Variants in IFT74 observed in about 807,000 individuals in gnomAD.
IFT74 encodes intraflagellar transport 74, also known as intraflagellar transport protein 74 homolog.
In IFT74, 92 loss-of-function variants were observed where a neutral mutation model predicts 96.7. The ratio of observed to expected loss-of-function variants is 0.95; its 90% CI spans 0.80 to 1.13. IFT74 has a LOEUF of 1.13. Among genes scored for constraint, IFT74 ranks in the 50% most tolerant of loss-of-function variants. IFT74 has a pLI of 0.00. For synonymous variants in IFT74, 223 were observed against 213.2 expected (o/e 1.05, Z -0.40); for missense variants, 811 against 698.2 (o/e 1.16, Z -1.82).
At chr9:26,952,827 C>T (rs1825977105), upstream of IFT74, among the ~76,000 whole-genome samples, 1 of 152,072 alleles carries the variant, frequency 6.6e-6, no homozygotes, top group African/African-American at 2.4e-5. Flanking sequence ...TTTCCTCTAC[C>T]CTGTCATGTT....
intron 2 of IFT74, among the ~76,000 whole-genome samples, chr9:26,969,338 CT>C (rs894300938): frequency 1.3e-5 from 2 of 150,338 alleles, no homozygotes; most frequent in African/African-American, 2.4e-5. Context: ...ATCTTCTTGT[CT>C]TTTTTTTTAA....
At chr9:27,035,509 G>A (rs1361333996) in intron 13 of IFT74, among the ~76,000 whole-genome samples, 2 of 152,196 alleles carry the variant, frequency 1.3e-5, no homozygotes, top group African/African-American at 4.8e-5. Context: ...AAATTCTTGG[G>A]CTCTACCCCA....
At chr9:26,948,448 A>ATTATTATTATTTTTTTTTTTTT (rs1825819541) in intron 1 of IFT74, among the ~76,000 whole-genome samples, 2 of 59,162 alleles carry the variant, frequency 3.4e-5, no homozygotes, top group Non-Finnish European at 7.7e-5. Context: ...GCTTTCCATT[A>ATTATTATTATTTTTTTTTTTTT]TTTTTTTTTT....
At chr9:27,010,383 A>G (rs974055907) in intron 9 of IFT74, among the ~76,000 whole-genome samples, 3 of 152,004 alleles carry the variant, frequency 2.0e-5, no homozygotes, top group African/African-American at 7.2e-5. Flanking sequence ...TCTATCAAAC[A>G]TGAGAATTTA....
At chr9:27,006,993 C>T (rs1828825396) in intron 8 of IFT74, among the ~76,000 whole-genome samples, 1 of 151,734 alleles carries the variant, frequency 6.6e-6, no homozygotes, top group South Asian at 2.1e-4. Context: ...CCCACCATCA[C>T]GCCCAGCTAA....
At chr9:27,010,609 C>T (rs998058262) in intron 9 of IFT74, among the ~76,000 whole-genome samples, 4 of 151,806 alleles carry the variant, frequency 2.6e-5, no homozygotes, top group Non-Finnish European at 4.4e-5. Flanking sequence ...CCTGCCTCAG[C>T]CTCCTGAGTA....
At chr9:26,965,676 G>A (rs1161915356) in intron 2 of IFT74, among the ~76,000 whole-genome samples, 7 of 152,034 alleles carry the variant, frequency 4.6e-5, no homozygotes, top group African/African-American at 1.4e-4. Context: ...TAGGTCAGTT[G>A]TCTTACATGC....
chr9:27,062,640 G>A lies in IFT74; in HGVS notation c.1707G>A (p.Glu569=). The change falls in exon 20 of 20, where the codon GAG becomes GAA. Residue 569 remains glutamate (E), a synonymous_variant. Coordinates refer to ENST00000380062, the MANE Select transcript of IFT74 (RefSeq NM_025103.4). ...TAGTCATAGCAACCAAGAGTCAAGA[G>A]AGTGATTACCAGCCAATTAAGAAAA... ...MKEFIATKSQ[E]SDYQPIKKNV... 2.5e-6 allele frequency: 4 copies of A among 1,604,932 alleles called. No individual in the cohort carries two copies. The highest frequency in any genetic ancestry group is 1.1e-5 in the South Asian group (1 of 90,158).
chr9:27,034,099 A>G (rs1421800669), intron 13 of IFT74, among the ~76,000 whole-genome samples: 3 of 152,186 alleles, frequency 2.0e-5, no homozygotes, highest in Non-Finnish European at 2.9e-5. Flanking sequence ...TCACTGTCAT[A>G]TGTCTCTCCA....
intron 18 of IFT74, among the ~76,000 whole-genome samples, chr9:27,059,658 A>G (rs1820329777): frequency 6.6e-6 from 1 of 152,244 alleles, no homozygotes; most frequent in Admixed American, 6.5e-5. Flanking sequence ...ACCAGCTCAC[A>G]GCACATACAG....
chr9:26,958,677 A>G (rs182212274), intron 1 of IFT74, among the ~76,000 whole-genome samples: 21 of 152,330 alleles, frequency 1.4e-4, no homozygotes, highest in Non-Finnish European at 2.6e-4. Flanking sequence ...AGTTTGGATT[A>G]CATATGTTTA....
At chr9:27,015,290 A>G (rs935773293) in intron 10 of IFT74, among the ~76,000 whole-genome samples, 6 of 152,102 alleles carry the variant, frequency 3.9e-5, no homozygotes, top group Non-Finnish European at 7.3e-5. Flanking sequence ...ACTTTGAAAA[A>G]TTATCTCGTC....
rs116140020 is a variant in IFT74 at position 27,063,999 on chromosome 9, G to A, written c.*1263G>A. On this transcript the variant is annotated 3_prime_UTR_variant, in exon 20 of 20. Transcript: ENST00000380062. ...TCATGGTCAAAGAAGTTTGGGAAAC[G>A]TTGTCTGAAACAAAGGTGAATTATT... 0.01 allele frequency among the ~76,000 whole-genome samples: 1,517 copies of A among 149,774 alleles called. 36 individuals are homozygous for A. The highest frequency in any genetic ancestry group is 0.036 in the African/African-American group (1,435 of 39,348).
At chr9:26,976,535 G>C (rs568726831) in intron 2 of IFT74, 1 of 320,294 alleles carries the variant, frequency 3.1e-6, no homozygotes, top group Non-Finnish European at 6.1e-6. Flanking sequence ...GATAAGGTGG[G>C]CGCATGATGG....
At chr9:26,955,353 C>T (rs1247898838), upstream of IFT74, among the ~76,000 whole-genome samples, 1 of 152,150 alleles carries the variant, frequency 6.6e-6, no homozygotes, top group African/African-American at 2.4e-5. Flanking sequence ...GTCACCCTTA[C>T]TTCAACAGAC....
At chr9:27,010,349 T>C (rs1828995069) in intron 9 of IFT74, among the ~76,000 whole-genome samples, 1 of 152,048 alleles carries the variant, frequency 6.6e-6, no homozygotes, top group Non-Finnish European at 1.5e-5. Context: ...AATTAATTAC[T>C]GATAACTATA....
chr9:27,036,682 T>C, intron 13 of IFT74: 2 of 1,308,168 alleles, frequency 1.5e-6, no homozygotes, highest in Non-Finnish European at 1.9e-6. Context: ...TTTGCTTCTG[T>C]GAAAAAAAAA....
intron 6 of IFT74, among the ~76,000 whole-genome samples, chr9:26,985,053 C>T (rs745734465): frequency 2.6e-5 from 4 of 152,136 alleles, no homozygotes; most frequent in Admixed American, 6.6e-5. Flanking sequence ...ATGGAATCAA[C>T]CTAAATGCCC....
At chr9:27,023,497 C>G (rs914318194) in intron 12 of IFT74, among the ~76,000 whole-genome samples, 1 of 152,134 alleles carries the variant, frequency 6.6e-6, no homozygotes, top group Non-Finnish European at 1.5e-5. Flanking sequence ...CCCTGCATCT[C>G]TGCTATAAAA....
Sources: allele counts gnomAD v4.1 joint callset (sites outside exome capture counted in the v4.1 genomes callset), GRCh38; gene constraint gnomAD v4.1.1; transcripts MANE v1.5; gene names NCBI Gene and HGNC (gene_info 2026-07-23, HGNC 2026-07-21).